The following KIAA1549L variants were observed in gnomAD, a reference collection of about 807,000 sequenced individuals.
The protein encoded by KIAA1549L is KIAA1549 like.
In KIAA1549L, 88 loss-of-function variants were observed where a neutral mutation model predicts 160.7. The ratio of observed to expected loss-of-function variants is 0.55; its 90% CI spans 0.46 to 0.65. The LOEUF (loss-of-function observed/expected upper bound fraction) is 0.65. Ranked by LOEUF, KIAA1549L falls within the 30% of genes least tolerant of loss-of-function variation. KIAA1549L has a pLI of 0.00. For synonymous variants in KIAA1549L, 950 were observed against 976.7 expected, an observed-to-expected ratio of 0.97 and a Z score of 0.51; for missense variants, 2,258 against 2,437.5, an observed-to-expected ratio of 0.93 and a Z score of 1.55.
intron 1 of KIAA1549L, among the ~76,000 whole-genome samples, chr11:33,423,313 T>C (rs931927937): frequency 2.6e-5 from 4 of 152,174 alleles, no homozygotes; most frequent in Non-Finnish European, 4.4e-5. Context: ...ATCAGATTTA[T>C]GGTAAAGCTT....
intron 17 of KIAA1549L, among the ~76,000 whole-genome samples, chr11:33,655,708 A>G (rs183912903): frequency 1.1e-3 from 169 of 152,296 alleles, no homozygotes; most frequent in African/African-American, 3.9e-3. Context: ...ATGAAGCGTG[A>G]AGCCCTGGGA....
intron 6 of KIAA1549L, among the ~76,000 whole-genome samples, chr11:33,554,319 G>A (rs1286365749): frequency 6.6e-6 from 1 of 152,178 alleles, no homozygotes; most frequent in African/African-American, 2.4e-5. Flanking sequence ...ACTTGTATAG[G>A]TTTGGTATTA....
At chr11:33,456,574 T>C (rs964310824) in intron 1 of KIAA1549L, among the ~76,000 whole-genome samples, 2 of 151,946 alleles carry the variant, frequency 1.3e-5, no homozygotes, top group African/African-American at 2.4e-5. Context: ...CCACCCCTGG[T>C]CAATTTTCAT....
intron 1 of KIAA1549L, among the ~76,000 whole-genome samples, chr11:33,482,299 A>G (rs572547785): frequency 4.0e-5 from 6 of 151,324 alleles, no homozygotes; most frequent in African/African-American, 1.2e-4. Context: ...TTTCTTCACA[A>G]TTTTTATACT....
At position 33,435,759 on chromosome 11, in the gene KIAA1549L, GATATATATATATAT is replaced by G. The variant is rs71034686; in HGVS notation, c.238+58909_238+58922del. ...CCTTCCAGAGAAACAGAACCAATAA[GATATATATATATAT>G]ATATATATATATATATATATATATA... On this transcript the variant is annotated intron_variant, in intron 1 of 20. Coordinates refer to ENST00000658780, the MANE Select transcript of KIAA1549L (RefSeq NM_012194.3). Among the ~76,000 whole-genome samples the G allele has an allele frequency of 8.0e-4, 12 of 14,982 alleles. 1 individual carries two copies. The highest frequency in any genetic ancestry group is 2.4e-3 in the African/African-American group (8 of 3,390). 9.8% of individuals were successfully genotyped at this position (14,982 alleles called of 152,430 possible).
In KIAA1549L at chr11:33,444,761, T is replaced by G. The variant is rs1248499985; in HGVS notation, c.238+67872T>G. On this transcript the variant is annotated intron_variant, in intron 1 of 20. Transcript: ENST00000658780. ...AAAAAAGAGAGAAATTCTCAACAAC[T>G]AGGGCTGCTCCAAATAAGACCAACC... is the stretch of plus-strand genomic sequence containing the variant. 2.6e-5 allele frequency among the ~76,000 whole-genome samples: 4 copies of G among 152,210 alleles called. 1 individual carries two copies. In the East Asian group the frequency reaches 7.7e-4, roughly 29 times the overall value.
intron 1 of KIAA1549L, among the ~76,000 whole-genome samples, chr11:33,515,342 T>C (rs575962509): frequency 6.6e-6 from 1 of 152,364 alleles, no homozygotes; most frequent in Non-Finnish European, 1.5e-5. Flanking sequence ...CATGGCTTCC[T>C]GTTTTATGTC....
At chr11:33,580,679 A>G (rs1323025703) in intron 10 of KIAA1549L, among the ~76,000 whole-genome samples, 6 of 151,962 alleles carry the variant, frequency 3.9e-5, no homozygotes, top group Admixed American at 3.9e-4. Flanking sequence ...TTTAACAGAT[A>G]TTTATTGAGC....
intron 16 of KIAA1549L, among the ~76,000 whole-genome samples, chr11:33,636,026 C>G (rs1851427420): frequency 6.6e-6 from 1 of 152,216 alleles, no homozygotes; most frequent in Non-Finnish European, 1.5e-5. Context: ...CCATCCCACT[C>G]CATCCCACCC....
Position 33,668,178 on chromosome 11 carries a change from G to A in KIAA1549L, c.*24G>A. On this transcript the variant is annotated 3_prime_UTR_variant, in exon 21 of 21. Coordinates refer to ENST00000658780, the MANE Select transcript of KIAA1549L (RefSeq NM_012194.3). Reference sequence around the variant, plus strand: ...AACGCCTTAGCCCCGTGGGACTCTGGACTTCCAAACTCTGAGGACTCAGCC... The same window carrying A: ...AACGCCTTAGCCCCGTGGGACTCTGAACTTCCAAACTCTGAGGACTCAGCC... 7 of 1,601,654 alleles carry A rather than the reference G, an allele frequency of 4.4e-6. No individual in the cohort carries two copies. The highest frequency in any genetic ancestry group is 6.0e-6 in the Non-Finnish European group (7 of 1,172,978).
chr11:33,408,727 G>C (rs544645908), intron 1 of KIAA1549L, among the ~76,000 whole-genome samples: 20 of 147,782 alleles, frequency 1.4e-4, no homozygotes, highest in Non-Finnish European at 2.8e-4. Flanking sequence ...CATGAGGCCC[G>C]GAGTCTGAGA....
At chr11:33,585,424 A>G (rs1855781232) in intron 11 of KIAA1549L, among the ~76,000 whole-genome samples, 1 of 152,200 alleles carries the variant, frequency 6.6e-6, no homozygotes, top group Non-Finnish European at 1.5e-5. Flanking sequence ...AGGCTGAGGC[A>G]GGAGAATTGC....
chr11:33,485,706 A>G (rs1852509778), intron 1 of KIAA1549L, among the ~76,000 whole-genome samples: 1 of 152,182 alleles, frequency 6.6e-6, no homozygotes, highest in Non-Finnish European at 1.5e-5. Flanking sequence ...TATAATCACC[A>G]TGTTTTACAA....
intron 1 of KIAA1549L, among the ~76,000 whole-genome samples, chr11:33,380,131 C>G (rs1447784726): frequency 6.6e-6 from 1 of 152,224 alleles, no homozygotes; most frequent in East Asian, 1.9e-4. Flanking sequence ...TCCTCAGCAC[C>G]CTGTCTGCAT....
At chr11:33,460,590 G>A (rs1289399989) in intron 1 of KIAA1549L, among the ~76,000 whole-genome samples, 1 of 152,220 alleles carries the variant, frequency 6.6e-6, no homozygotes, top group Non-Finnish European at 1.5e-5. Context: ...TTTGGCTTGA[G>A]CATCTATTGT....
intron 1 of KIAA1549L, among the ~76,000 whole-genome samples, chr11:33,504,334 C>T (rs1024249232): frequency 6.6e-6 from 1 of 152,180 alleles, no homozygotes; most frequent in African/African-American, 2.4e-5. Flanking sequence ...ATCATCATCA[C>T]TTATTGTTTG....
chr11:33,511,746 T>C (rs1853232014), intron 1 of KIAA1549L, among the ~76,000 whole-genome samples: 1 of 152,228 alleles, frequency 6.6e-6, no homozygotes, highest in Non-Finnish European at 1.5e-5. Context: ...ACCTGGACTT[T>C]GGAGTCTGAC....
chr11:33,592,475 C>A (rs1341840546), intron 12 of KIAA1549L, among the ~76,000 whole-genome samples: 3 of 152,208 alleles, frequency 2.0e-5, no homozygotes, highest in Admixed American at 6.5e-5. Context: ...GTTGTCAACT[C>A]CCTTGTTGCC....
rs142601626 is a variant in KIAA1549L, at chr11:33,548,603, C to T, written c.3501+724C>T. 1.1e-3 allele frequency among the ~76,000 whole-genome samples: 166 copies of T among 152,188 alleles called. 1 individual carries two copies. Among genetic ancestry groups the T allele is most frequent in the Non-Finnish European group, 1.7e-3 (114 of 68,016 alleles). On this transcript the variant is annotated intron_variant, in intron 4 of 20. Coordinates refer to ENST00000658780, the MANE Select transcript of KIAA1549L (RefSeq NM_012194.3). ...ATTATCCTGACTTGTAAATCGAGTC[C>T]GACTTTGCTTAAATTGCCCACTGCA...
Sources: gnomAD v4.1 joint callset for allele counts (sites outside exome capture counted in the v4.1 genomes callset) on GRCh38, gnomAD v4.1.1 for gene constraint, MANE v1.5 for transcripts, NCBI Gene and HGNC (gene_info 2026-07-23, HGNC 2026-07-21) for gene names.